Variants in PPDPFL observed in about 807,000 individuals in gnomAD.
PPDPFL encodes the protein pancreatic progenitor cell differentiation and proliferation factor like.
A neutral mutation model predicts 12.6 loss-of-function variants in PPDPFL; 12 were observed. The ratio of observed to expected loss-of-function variants is 0.95; its 90% CI spans 0.61 to 1.54. PPDPFL has a LOEUF of 1.54. Ranked by LOEUF, PPDPFL falls within the 40% of genes most tolerant of loss-of-function variation. PPDPFL has a pLI of 0.00. For missense variants in PPDPFL, 114 were observed against 96.0 expected, an observed-to-expected ratio of 1.19 and a Z score of -0.78; for synonymous variants, 24 against 32.7, an observed-to-expected ratio of 0.73 and a Z score of 0.91.
Position 49,074,668 on chromosome 8 carries a change from A to AT in PPDPFL, c.233+335_233+336insT, listed in dbSNP as rs1437127432. 5 of 1,510,168 alleles carry AT rather than the reference A, an allele frequency of 3.3e-6. No homozygotes were observed. The African/African-American group carries it at 6.9e-5, about 21-fold the overall frequency. 93.5% of individuals were successfully genotyped at this position (1,510,168 alleles called of 1,614,324 possible). ...TGCTCATACCTTCAGGAAAAGAATA[A>AT]CCATTGTCTAGTTGTTGTCTTAAAT... On this transcript the variant is annotated intron_variant, in intron 4 of 4. Coordinates refer to ENST00000522267, the MANE Select transcript of PPDPFL (RefSeq NM_001256597.2).
intron 1 of PPDPFL, among the ~76,000 whole-genome samples, chr8:49,066,403 C>A (rs1388633782): frequency 6.6e-6 from 1 of 152,146 alleles, no homozygotes; most frequent in Non-Finnish European, 1.5e-5. Flanking sequence ...TGTGGTGTGA[C>A]TTGGGCAAGT....
rs1808474779 is a variant in PPDPFL at position 49,075,248 on chromosome 8, T to A, written c.*75T>A. On this transcript the variant is annotated 3_prime_UTR_variant, in exon 5 of 5. Coordinates refer to ENST00000522267, the MANE Select transcript of PPDPFL (RefSeq NM_001256597.2). ...TGCCTTATGTAGCATGAACAGTTGA[T>A]TCTGACAATCAAGATCCTCTGCCTG... The A allele has an allele frequency of 1.2e-6, 2 of 1,614,034 alleles. No individual in the cohort carries two copies. The highest frequency in any genetic ancestry group is 1.7e-6 in the Non-Finnish European group (2 of 1,179,880).
Position 49,074,140 on chromosome 8 carries a change from C to T in PPDPFL, c.133+4C>T. The T allele has an allele frequency of 6.2e-7, 1 of 1,610,604 alleles. No homozygotes were observed. The highest frequency in any genetic ancestry group is 1.3e-5 in the African/African-American group (1 of 74,966). On this transcript the variant is annotated splice_donor_region_variant and intron_variant, in intron 3 of 4. Transcript: ENST00000522267. ...GATGACGACAAACCACAGCAAGGTA[C>T]TTAGTTATTTCTTTCAGTGTCATCC...
At chr8:49,073,238 A>C (rs1231291369) in intron 2 of PPDPFL, among the ~76,000 whole-genome samples, 1 of 152,264 alleles carries the variant, frequency 6.6e-6, no homozygotes, top group Non-Finnish European at 1.5e-5. Flanking sequence ...AAGAAAAGAT[A>C]GCATGACTTT....
upstream of PPDPFL, among the ~76,000 whole-genome samples, chr8:49,068,263 G>C (rs1330682503): frequency 3.9e-5 from 6 of 152,194 alleles, no homozygotes; most frequent in Non-Finnish European, 7.3e-5. Flanking sequence ...AATAAAATGT[G>C]AGTAGTGTTA....
chr8:49,074,304 T>A lies in PPDPFL; in HGVS notation c.204T>A (p.Asn68Lys), dbSNP rs780753198. The A allele has an allele frequency of 6.2e-7, 1 of 1,614,022 alleles. No homozygotes were observed. The highest frequency in any genetic ancestry group is 2.2e-5 in the East Asian group (1 of 44,878). The change falls in exon 4 of 5, where the codon AAT becomes AAA. Residue 68 changes from asparagine (N) to lysine (K), a missense_variant. By Grantham distance (94) the Asn-to-Lys change is moderately conservative (BLOSUM62 0). Coordinates refer to ENST00000522267, the MANE Select transcript of PPDPFL (RefSeq NM_001256597.2). ...TCCATTCTGAACCTGTGCTTTCAAA[T>A]GTGAGAATAAAAGATCTGTCTGCTA... ...SFFHSEPVLS[N>K]VRIKDLSATG...
chr8:49,067,820 A>C (rs530171895), upstream of PPDPFL, among the ~76,000 whole-genome samples: 1 of 152,328 alleles, frequency 6.6e-6, no homozygotes, highest in African/African-American at 2.4e-5. Context: ...TGTGCAGAGG[A>C]CAGCTCCATT....
chr8:49,059,904 TG>T (rs1319237245), intron 1 of PPDPFL, among the ~76,000 whole-genome samples: 1 of 152,218 alleles, frequency 6.6e-6, no homozygotes, highest in Non-Finnish European at 1.5e-5. Context: ...TTTCATGTGA[TG>T]AAACTTATAA....
chr8:49,056,101 C>A (rs1251661134), intron 1 of PPDPFL, among the ~76,000 whole-genome samples: 1 of 152,034 alleles, frequency 6.6e-6, no homozygotes, highest in Non-Finnish European at 1.5e-5. Flanking sequence ...ATAAAGCTTC[C>A]CCTCATGCTC....
chr8:49,059,316 G>A (rs951900444), intron 1 of PPDPFL, among the ~76,000 whole-genome samples: 1 of 152,056 alleles, frequency 6.6e-6, no homozygotes, highest in East Asian at 1.9e-4. Flanking sequence ...AATTAAAGAG[G>A]GATAACGCTA....
upstream of PPDPFL, among the ~76,000 whole-genome samples, chr8:49,070,134 ACACAGAAACAGAAAACTAAATAC>A (rs1808355435): frequency 7.2e-5 from 11 of 152,344 alleles, no homozygotes; most frequent in South Asian, 2.3e-3. Flanking sequence ...TAGCAAACTG[ACACAGAAACAGAAAACTAAATAC>A]CACATGTTCT....
intron 1 of PPDPFL, among the ~76,000 whole-genome samples, chr8:49,067,049 TG>T (rs1462066334): frequency 6.6e-6 from 1 of 152,234 alleles, no homozygotes; most frequent in Non-Finnish European, 1.5e-5. Context: ...GATTGGTTTC[TG>T]TTGTGTAAAA....
intron 1 of PPDPFL, among the ~76,000 whole-genome samples, chr8:49,063,848 C>T (rs190222729): frequency 3.0e-4 from 46 of 152,174 alleles, no homozygotes; most frequent in African/African-American, 1.0e-3. Flanking sequence ...GGGGGAAGTC[C>T]GGAGAAAATC....
chr8:49,069,707 C>T (rs560304829), upstream of PPDPFL, among the ~76,000 whole-genome samples: 4 of 152,236 alleles, frequency 2.6e-5, no homozygotes, highest in South Asian at 6.2e-4. Context: ...GAGGCCAAGG[C>T]GGGCAGATCA....
At position 49,075,668 on chromosome 8, in the gene PPDPFL, G is replaced by T. The variant is rs1455059581; in HGVS notation, c.*495G>T. On this transcript the variant is annotated 3_prime_UTR_variant, in exon 5 of 5. Coordinates refer to ENST00000522267, the MANE Select transcript of PPDPFL (RefSeq NM_001256597.2). ...TGACTTGTCAATGTTTCACATAATG[G>T]TTTAAAGGGCATTGAATTCGAAATT... is the stretch of plus-strand genomic sequence containing the variant. The T allele has an allele frequency of 2.1e-5, 4 of 186,862 alleles. No individual in the cohort carries two copies. The highest frequency in any genetic ancestry group is 4.5e-5 in the Non-Finnish European group (4 of 89,154). 11.6% of individuals were successfully genotyped at this position (186,862 alleles called of 1,614,324 possible). A position where few individuals can be genotyped will look rare whatever the true frequency, so the allele number is the denominator to read the frequency against.
chr8:49,071,412 C>T (rs1808385824), upstream of PPDPFL, among the ~76,000 whole-genome samples: 1 of 152,148 alleles, frequency 6.6e-6, no homozygotes, highest in African/African-American at 2.4e-5. Flanking sequence ...AATCCCAGCA[C>T]TTTGGGAGGC....
At chr8:49,060,492 T>C (rs1183576203) in intron 1 of PPDPFL, among the ~76,000 whole-genome samples, 1 of 152,096 alleles carries the variant, frequency 6.6e-6, no homozygotes, top group East Asian at 1.9e-4. Flanking sequence ...TTTGTATTTT[T>C]AGTAGAGACA....
At position 49,072,811 on chromosome 8, in the gene PPDPFL, GC is replaced by G. The variant is rs780055304; in HGVS notation, c.-19del. On this transcript the variant is annotated 5_prime_UTR_variant, in exon 2 of 5. An upstream open reading frame in the 5' UTR loses its in-frame stop. Coordinates refer to ENST00000522267, the MANE Select transcript of PPDPFL (RefSeq NM_001256597.2). ...GATTAATGCTCACAGCTTCTTGGGT[GC>G]TTTCTCACGGGTAAAGCCATGGCAT... 4.4e-6 allele frequency: 7 copies of G among 1,589,574 alleles called. No individual in the cohort carries two copies. The highest frequency in any genetic ancestry group is 1.4e-5 in the African/African-American group (1 of 73,308).
intron 1 of PPDPFL, among the ~76,000 whole-genome samples, chr8:49,060,564 C>T (rs565320157): frequency 6.6e-6 from 1 of 152,214 alleles, no homozygotes; most frequent in African/African-American, 2.4e-5. Flanking sequence ...CTGCCCACCT[C>T]GGCCTCCCAA....
Sources: allele counts gnomAD v4.1 joint callset (sites outside exome capture counted in the v4.1 genomes callset), GRCh38; gene constraint gnomAD v4.1.1; transcripts MANE v1.5; gene names NCBI Gene and HGNC (gene_info 2026-07-23, HGNC 2026-07-21).